Variants in SCRIB observed in about 807,000 individuals in gnomAD.
SCRIB encodes the protein scribble planar cell polarity protein.
Under a neutral mutation model 170.0 loss-of-function variants are expected in SCRIB, and 72 were observed. That is an observed-to-expected ratio of 0.42 (90% CI 0.35 to 0.52). The LOEUF (loss-of-function observed/expected upper bound fraction) is 0.52. SCRIB is among the 20% of genes least tolerant of loss of function. The pLI, the probability that SCRIB is intolerant of heterozygous loss-of-function variation, is 0.02. For synonymous variants in SCRIB, 1,298 were observed against 1,044.3 expected (o/e 1.24, Z -4.68); for missense variants, 2,475 against 2,338.5 (o/e 1.06, Z -1.20).
At chr8:143,807,314 G>C (rs922779424) in intron 16 of SCRIB, among the ~76,000 whole-genome samples, 18 of 152,340 alleles carry the variant, frequency 1.2e-4, no homozygotes, top group Admixed American at 1.1e-3. Context: ...CCGCAGGCAG[G>C]TAAGGCTCAG....
Position 143,791,802 on chromosome 8 carries a change from C to T in SCRIB, c.4696-62G>A, listed in dbSNP as rs1311177501. The T allele has an allele frequency of 1.5e-4, 109 of 733,956 alleles. 2 individuals carry two copies. The highest frequency in any genetic ancestry group is 2.9e-4 in the Middle Eastern group (1 of 3,478). The allele number at this position is 733,956 out of a possible 1,614,324, so 45.5% of individuals were successfully genotyped here. On this transcript the variant is annotated intron_variant, in intron 34 of 36. Coordinates refer to ENST00000356994, the MANE Select transcript of SCRIB (RefSeq NM_182706.5). ...AGAGGAAAGGGGGGGATGAGGGCCA[C>T]GGGGGTGGGGGCAGGCCAGACCCCA...
chr8:143,791,828 C>CA lies in SCRIB; in HGVS notation c.4695+47_4695+48insT, dbSNP rs782206830. 15 of 1,506,010 alleles carry CA rather than the reference C, an allele frequency of 1.0e-5. 1 individual carries two copies. The South Asian group carries it at 1.4e-4, about 15-fold the overall frequency. 93.3% of individuals were successfully genotyped at this position (1,506,010 alleles called of 1,614,324 possible). A position where few individuals can be genotyped will look rare whatever the true frequency, so the allele number is the denominator to read the frequency against. ...GGGGGTGGGGGCAGGCCAGACCCCA[C>CA]CCCCATGCCTCGGGGGTGAAGGGAA... On this transcript the variant is annotated intron_variant, in intron 34 of 36. Coordinates refer to ENST00000356994, the MANE Select transcript of SCRIB (RefSeq NM_182706.5).
In SCRIB at chr8:143,792,864, G is replaced by T; in HGVS notation, c.4021C>A (p.Pro1341Thr). Reference sequence around the variant, plus strand: ...GGGGAGGCTGCAGGCCCAGGCGTGGGGGGCTGGGGGGAGCGGACCTTGAGG... The same window carrying T: ...GGGGAGGCTGCAGGCCCAGGCGTGGTGGGCTGGGGGGAGCGGACCTTGAGG... The part of the protein sequence containing the change: ...HPPEDAPAQP[P>T]TPGPAASPEQ... The change falls in exon 30 of 37, where the codon CCC (proline) becomes ACC (threonine). Residue 1341 changes from proline to threonine, a missense_variant. By Grantham distance (38) the Pro-to-Thr change is conservative. This residue lies in a region of SCRIB where 1,966 missense variants were observed against 1,742.9 expected (regional missense o/e 1.13). Transcript: ENST00000356994. The T allele has an allele frequency of 6.6e-7, 1 of 1,511,614 alleles. No homozygotes were observed. Among genetic ancestry groups the T allele is most frequent in the Non-Finnish European group, 8.8e-7 (1 of 1,135,060 alleles). 93.6% of individuals were successfully genotyped at this position (1,511,614 alleles called of 1,614,324 possible). A position where few individuals can be genotyped will look rare whatever the true frequency, so the allele number is the denominator to read the frequency against.
At position 143,813,622 on chromosome 8, in the gene SCRIB, T is replaced by C. The variant is rs949096744; in HGVS notation, c.446+15A>G. 6.2e-7 allele frequency: 1 copy of C among 1,612,834 alleles called. No individual in the cohort carries two copies. Among genetic ancestry groups the C allele is most frequent in the Non-Finnish European group, 8.5e-7 (1 of 1,179,790 alleles). On this transcript the variant is annotated intron_variant, in intron 4 of 36. Coordinates refer to ENST00000356994, the MANE Select transcript of SCRIB (RefSeq NM_182706.5). The stretch of plus-strand genomic sequence containing the variant: ...TCCCCCACCCCACCCTAGTTCCACC[T>C]GAGAAGGCACTCACTTGCCCACGTC...
At chr8:143,795,892 A>C (rs1814923705) in intron 24 of SCRIB, among the ~76,000 whole-genome samples, 1 of 152,152 alleles carries the variant, frequency 6.6e-6, no homozygotes, top group South Asian at 2.1e-4. Context: ...CGTGAGTAGC[A>C]GGCACTGGAA....
chr8:143,806,832 T>C (rs1408914362), intron 17 of SCRIB, 92 bp downstream of exon 17: 2 of 920,780 alleles, frequency 2.2e-6, no homozygotes, highest in East Asian at 5.3e-5. Context: ...AGCGTGTGAG[T>C]GTTCTCAGGG....
chr8:143,807,232 G>A (rs1024625444), intron 16 of SCRIB, among the ~76,000 whole-genome samples: 1 of 152,242 alleles, frequency 6.6e-6, no homozygotes, highest in African/African-American at 2.4e-5. Flanking sequence ...GTGGTGGGCT[G>A]GGGCTTGCCC....
At chr8:143,812,013 T>G (rs531952849) in intron 9 of SCRIB, among the ~76,000 whole-genome samples, 1 of 152,114 alleles carries the variant, frequency 6.6e-6, no homozygotes, top group Non-Finnish European at 1.5e-5. Context: ...CGCTCCCCAG[T>G]GTTACAACAT....
chr8:143,804,825 T>C lies in SCRIB; in HGVS notation c.2752A>G (p.Ile918Val), dbSNP rs372917457. ...GCCTCAGTCACGTCCACTCCATTAATCTGTGAGAGCGTGCCCGAATCAGGG... is the reference window on the plus strand; with the variant it reads ...GCCTCAGTCACGTCCACTCCATTAACCTGTGAGAGCGTGCCCGAATCAGGG... Reference protein sequence around the residue: ...TLQVGDRVLSINGVDVTEARH... With the variant: ...TLQVGDRVLSVNGVDVTEARH... Residue 918 changes from isoleucine to valine, a missense_variant and splice_region_variant, in exon 21 of 37, where the codon ATT (isoleucine) becomes GTT (valine). By Grantham distance (29) the Ile-to-Val change is conservative. Transcript: ENST00000356994. 1.6e-5 allele frequency: 25 copies of C among 1,579,304 alleles called. No homozygotes were observed. The highest frequency in any genetic ancestry group is 1.7e-4 in the Middle Eastern group (1 of 5,898).
chr8:143,804,718 A>C lies in SCRIB; in HGVS notation c.2859T>G (p.Pro953=). ...AATGTGGCAGAGGGCTGGGAGGAAG[A>C]GGGCCCCCAGCCTCCCGCTCCAACA... The part of the protein sequence containing the change: ...ALLLEREAGG[P]LPPSPLPHSS... The change falls in exon 21 of 37, where the codon CCT becomes CCG. Residue 953 remains proline (P), a synonymous_variant. Coordinates refer to ENST00000356994, the MANE Select transcript of SCRIB (RefSeq NM_182706.5). 1 of 1,586,264 alleles carries C rather than the reference A, an allele frequency of 6.3e-7. No individual in the cohort carries two copies.
At chr8:143,800,191 C>T (rs1399483737) in intron 24 of SCRIB, among the ~76,000 whole-genome samples, 2 of 152,152 alleles carry the variant, frequency 1.3e-5, no homozygotes, top group African/African-American at 4.8e-5. Context: ...CTCTCTCAAG[C>T]CCCAAGCCCG....
Position 143,792,849 on chromosome 8 carries a change from C to T in SCRIB, c.4036G>A (p.Ala1346Thr), listed in dbSNP as rs782393810. ...APAQPPTPGP[A>T]ASPEQLSFRE... The stretch of plus-strand genomic sequence containing the variant: ...AAGGACAGCTGCTCCGGGGAGGCTG[C>T]AGGCCCAGGCGTGGGGGGCTGGGGG... The change falls in exon 30 of 37, where the codon GCA becomes ACA. Residue 1346 changes from alanine (A) to threonine (T), a missense_variant. By Grantham distance (58) the Ala-to-Thr change is moderately conservative. Coordinates refer to ENST00000356994, the MANE Select transcript of SCRIB (RefSeq NM_182706.5). 2.6e-6 allele frequency: 4 copies of T among 1,526,588 alleles called. No individual in the cohort carries two copies. Among genetic ancestry groups the T allele is most frequent in the South Asian group, 2.5e-5 (2 of 79,172 alleles). The allele number at this position is 1,526,588 out of a possible 1,614,324, so 94.6% of individuals were successfully genotyped here.
intron 15 of SCRIB, among the ~76,000 whole-genome samples, chr8:143,807,911 G>A (rs1554637003): frequency 1.3e-5 from 2 of 152,186 alleles, no homozygotes; most frequent in African/African-American, 2.4e-5. Flanking sequence ...ATCAAGGGCA[G>A]GGATAGTGAG....
At chr8:143,815,064 AGGGT>A (rs1181286690) in intron 1 of SCRIB, 146 bp downstream of exon 1, 3 of 879,316 alleles carry the variant, frequency 3.4e-6, no homozygotes, top group African/African-American at 1.8e-5. Context: ...CTGGAAGAGA[AGGGT>A]GGGGCTGGCT....
At position 143,815,748 on chromosome 8, in the gene SCRIB, G is replaced by C. The variant is rs1278921913; in HGVS notation, c.-376C>G. 1 of 983,898 alleles carries C rather than the reference G, an allele frequency of 1.0e-6. No individual in the cohort carries two copies. Among genetic ancestry groups the C allele is most frequent in the Non-Finnish European group, 1.2e-6 (1 of 829,530 alleles). The allele number at this position is 983,898 out of a possible 1,614,324, so 60.9% of individuals were successfully genotyped here. ...CCCCGCCGACACCCACCCGGCCGCC[G>C]CGCAGCCCGTCGGGAAGCCGAGTCC... On this transcript the variant is annotated 5_prime_UTR_variant, in exon 1 of 37. Coordinates refer to ENST00000356994, the MANE Select transcript of SCRIB (RefSeq NM_182706.5).
intron 24 of SCRIB, among the ~76,000 whole-genome samples, chr8:143,798,234 A>C (rs1214664674): frequency 6.6e-6 from 1 of 152,100 alleles, no homozygotes; most frequent in African/African-American, 2.4e-5. Flanking sequence ...TCAGCTTGGG[A>C]AACAGAGTGA....
chr8:143,794,914 G>A (rs1447019454), intron 27 of SCRIB, 124 bp downstream of exon 27: 7 of 868,142 alleles, frequency 8.1e-6, no homozygotes, highest in African/African-American at 6.7e-5. Context: ...GTCAGACGTG[G>A]CCTCCTCCCA....
Position 143,815,263 on chromosome 8 carries a change from C to T in SCRIB, c.110G>A (p.Ser37Asn), listed in dbSNP as rs1314880683. The T allele has an allele frequency of 1.9e-6, 3 of 1,596,692 alleles. No homozygotes were observed. Among genetic ancestry groups the T allele is most frequent in the African/African-American group, 1.4e-5 (1 of 73,074 alleles). The change falls in exon 1 of 37, where the codon AGC (serine) becomes AAC (asparagine). Residue 37 changes from serine (S) to asparagine (N), a missense_variant. Around this residue, in one of 3 missense-constraint regions of SCRIB, gnomAD observed 487 missense variants for 558.1 expected, o/e 0.87. Coordinates refer to ENST00000356994, the MANE Select transcript of SCRIB (RefSeq NM_182706.5). Reference sequence around the variant, plus strand: ...GGCGTCGAGCAGCAGCTCCTCCAGGCTGCGGCTGTAGCGGTAGATCTCCTC... The same window carrying T: ...GGCGTCGAGCAGCAGCTCCTCCAGGTTGCGGCTGTAGCGGTAGATCTCCTC... ...VPEEIYRYSRSLEELLLDANQ... is the reference protein window; with the variant it reads ...VPEEIYRYSRNLEELLLDANQ...
rs900391009 is a variant in SCRIB at position 143,812,454 on chromosome 8, A to C, written c.788-70T>G. The C allele has an allele frequency of 4.2e-6, 5 of 1,191,152 alleles. No homozygotes were observed. In the African/African-American group the frequency reaches 7.5e-5, roughly 18 times the overall value. The allele number at this position is 1,191,152 out of a possible 1,614,324, so 73.8% of individuals were successfully genotyped here. A position where few individuals can be genotyped will look rare whatever the true frequency, so the allele number is the denominator to read the frequency against. The stretch of plus-strand genomic sequence containing the variant: ...GACGTGCCTTACCCACCTGGCCAGA[A>C]GCGCCCTCAAGGCAGACAGCAAGGC... On this transcript the variant is annotated intron_variant, in intron 8 of 36. Coordinates refer to ENST00000356994, the MANE Select transcript of SCRIB (RefSeq NM_182706.5).
Sources: gnomAD v4.1 joint callset for allele counts (sites outside exome capture counted in the v4.1 genomes callset) on GRCh38, gnomAD v4.1.1 for gene constraint, gnomAD v4.1.1 regional missense constraint, MANE v1.5 for transcripts, NCBI Gene and HGNC (gene_info 2026-07-23, HGNC 2026-07-21) for gene names.